The following ADGRD1 variants were observed in gnomAD, a reference collection of about 807,000 sequenced individuals.
ADGRD1 encodes G-protein coupled receptor 133.
A neutral mutation model predicts 113.4 loss-of-function variants in ADGRD1; 77 were observed. The observed-to-expected ratio is 0.68, with a 90% CI of 0.57 to 0.82. The LOEUF (loss-of-function observed/expected upper bound fraction) is 0.82. Ranked by LOEUF, ADGRD1 falls within the 40% of genes least tolerant of loss-of-function variation. The pLI, the probability that ADGRD1 is intolerant of heterozygous loss-of-function variation, is 0.00. For synonymous variants in ADGRD1, 474 were observed against 475.0 expected (o/e 1.00, Z 0.03); for missense variants, 1,036 against 1,139.1 (o/e 0.91, Z 1.30).
rs1215693419 is a variant in ADGRD1 at position 131,096,281 on chromosome 12, G to A, written c.1672-8550G>A. The stretch of plus-strand genomic sequence containing the variant: ...ATTTGTGTTAGAGACAAGGTTGCAC[G>A]CTGTGGTCCAGGCTGGAGTCAGTGG... On this transcript the variant is annotated intron_variant, in intron 15 of 24. Coordinates refer to ENST00000261654, the MANE Select transcript of ADGRD1 (RefSeq NM_198827.5). This position sits in a 1 kb window ranked among gnomAD's most constrained non-coding sequence, Gnocchi z 5.2. Among the ~76,000 whole-genome samples the A allele has an allele frequency of 6.6e-6, 1 of 152,136 alleles. No individual in the cohort carries two copies. Among genetic ancestry groups the A allele is most frequent in the South Asian group, 2.1e-4 (1 of 4,828 alleles).
Position 131,084,845 on chromosome 12 carries a change from G to T in ADGRD1, c.1671+182G>T, listed in dbSNP as rs1886342546. On this transcript the variant is annotated intron_variant, in intron 15 of 24. Transcript: ENST00000261654. The surrounding 1 kb of genome is among the most constrained non-coding windows in gnomAD (Gnocchi z 4.5). Reference sequence around the variant, plus strand: ...TGTAGTCCAGGGTCCTGCATGTATTGGGTGCCAGCAAATATCCGAGGAGCC... The same window carrying T: ...TGTAGTCCAGGGTCCTGCATGTATTTGGTGCCAGCAAATATCCGAGGAGCC... 6.6e-6 allele frequency among the ~76,000 whole-genome samples: 1 copy of T among 152,200 alleles called. No homozygotes were observed. The highest frequency in any genetic ancestry group is 1.5e-5 in the Non-Finnish European group (1 of 68,028).
intron 13 of ADGRD1, among the ~76,000 whole-genome samples, chr12:131,065,059 C>T (rs1192370677): frequency 6.6e-6 from 1 of 152,214 alleles, no homozygotes; most frequent in Non-Finnish European, 1.5e-5. Context: ...ACCTTCTACT[C>T]CCTTCTCCAC....
At chr12:131,061,050 A>G (rs923734671) in intron 13 of ADGRD1, among the ~76,000 whole-genome samples, 1 of 152,018 alleles carries the variant, frequency 6.6e-6, no homozygotes, top group Non-Finnish European at 1.5e-5. Flanking sequence ...AGGGCGTCAT[A>G]TTCTCCCTCC....
chr12:131,063,635 C>T (rs1369851822), intron 13 of ADGRD1, among the ~76,000 whole-genome samples: 1 of 152,282 alleles, frequency 6.6e-6, no homozygotes, highest in Non-Finnish European at 1.5e-5. Flanking sequence ...AATTGCCTGT[C>T]CCTGTGCCAG....
intron 13 of ADGRD1, among the ~76,000 whole-genome samples, chr12:131,025,294 C>G (rs1879816400): frequency 6.6e-6 from 1 of 152,044 alleles, no homozygotes; most frequent in African/African-American, 2.4e-5. Flanking sequence ...TGGGGTTTTT[C>G]TTTTGAAGGT....
chr12:131,008,848 CTG>C (rs1420493027), intron 12 of ADGRD1, among the ~76,000 whole-genome samples: 3 of 152,224 alleles, frequency 2.0e-5, no homozygotes, highest in African/African-American at 7.2e-5. Context: ...TCTCCCCAGG[CTG>C]TGAGGGACTC....
intron 20 of ADGRD1, among the ~76,000 whole-genome samples, chr12:131,129,815 T>C (rs1209154895): frequency 6.6e-6 from 1 of 152,262 alleles, no homozygotes; most frequent in Non-Finnish European, 1.5e-5. Flanking sequence ...TGTGGCAGTT[T>C]GACTTGGGGC....
chr12:131,097,003 G>C (rs1887333069), intron 15 of ADGRD1, among the ~76,000 whole-genome samples: 1 of 152,210 alleles, frequency 6.6e-6, no homozygotes, highest in Non-Finnish European at 1.5e-5. Flanking sequence ...CGCCTCTGCT[G>C]TGGCTGCAGC....
chr12:131,092,885 T>TC (rs1555262384), intron 15 of ADGRD1, among the ~76,000 whole-genome samples: 1 of 150,496 alleles, frequency 6.6e-6, no homozygotes, highest in Non-Finnish European at 1.5e-5. Context: ...GGGATTTCTT[T>TC]TTTTTTTTTT....
chr12:130,963,335 A>G (rs1593261463), intron 2 of ADGRD1, among the ~76,000 whole-genome samples: 1 of 151,332 alleles, frequency 6.6e-6, no homozygotes, highest in African/African-American at 2.4e-5. Context: ...AAAAAAAAAA[A>G]AAAAAAAGAA....
At chr12:130,999,719 T>G (rs1876098243) in intron 8 of ADGRD1, among the ~76,000 whole-genome samples, 1 of 152,120 alleles carries the variant, frequency 6.6e-6, no homozygotes, top group Non-Finnish European at 1.5e-5. Context: ...TGGGGACACA[T>G]CCACTAAGCC....
At chr12:130,991,683 A>T (rs7961580) in intron 7 of ADGRD1, among the ~76,000 whole-genome samples, 30,002 of 152,078 alleles carry the variant, frequency 0.2, 3,062 homozygotes, top group Non-Finnish European at 0.21. Flanking sequence ...ACATGGTAGG[A>T]GCTATATTAC....
At chr12:131,046,223 C>G (rs1362635679) in intron 13 of ADGRD1, among the ~76,000 whole-genome samples, 1 of 149,232 alleles carries the variant, frequency 6.7e-6, no homozygotes, top group Admixed American at 6.6e-5. Flanking sequence ...TCAGTGTCCT[C>G]CCTGGTCAGT....
At chr12:131,137,870 A>G (rs1951134407) in intron 23 of ADGRD1, 2 of 227,328 alleles carry the variant, frequency 8.8e-6, no homozygotes, top group African/African-American at 2.8e-5. Flanking sequence ...TCTCTCTCAC[A>G]CTCACCCCGG....
intron 8 of ADGRD1, among the ~76,000 whole-genome samples, chr12:130,997,111 G>A (rs1449058322): frequency 1.5e-5 from 2 of 131,594 alleles, no homozygotes; most frequent in Non-Finnish European, 3.3e-5. Flanking sequence ...TCACCTCCTG[G>A]ACGGGGCGGC....
chr12:131,112,029 A>T (rs1950357307), intron 18 of ADGRD1, among the ~76,000 whole-genome samples: 1 of 152,092 alleles, frequency 6.6e-6, no homozygotes, highest in Non-Finnish European at 1.5e-5. Flanking sequence ...TTTGTTGAAG[A>T]CTTGTCATCT....
rs1886304434 is a variant in ADGRD1, at chr12:131,084,450, G to A, written c.1548-90G>A. On this transcript the variant is annotated intron_variant, in intron 14 of 24. Transcript: ENST00000261654. This position sits in a 1 kb window ranked among gnomAD's most constrained non-coding sequence, Gnocchi z 4.5. ...TGTGGGCGCCGCCATGAGTTCACGG[G>A]GCCATGTGTTATGGGGGGTGCTGCT... 1 of 1,424,468 alleles carries A rather than the reference G, an allele frequency of 7.0e-7. No homozygotes were observed. The highest frequency in any genetic ancestry group is 9.8e-7 in the Non-Finnish European group (1 of 1,017,646). 88.2% of individuals were successfully genotyped at this position (1,424,468 alleles called of 1,614,324 possible).
chr12:131,043,690 G>T (rs929440989), intron 13 of ADGRD1, among the ~76,000 whole-genome samples: 1 of 152,366 alleles, frequency 6.6e-6, no homozygotes, highest in East Asian at 1.9e-4. Context: ...CGCACACAGG[G>T]CCACACGGGG....
At position 131,118,432 on chromosome 12, in the gene ADGRD1, A is replaced by G. The variant is rs762027854; in HGVS notation, c.2089A>G (p.Ser697Gly). ...CATTTCACTGTCATTTGCCATGGAC[A>G]GTTACGGAACAAGCAACAAGTAAGT... ...CIISLSFAMD[S>G]YGTSNNCWLS... Residue 697 changes from serine to glycine, a missense_variant, in exon 19 of 25, where the codon AGT becomes GGT. By Grantham distance (56) the Ser-to-Gly change is moderately conservative. Coordinates refer to ENST00000261654, the MANE Select transcript of ADGRD1 (RefSeq NM_198827.5). 2 of 1,611,560 alleles carry G rather than the reference A, an allele frequency of 1.2e-6. No homozygotes were observed. The highest frequency in any genetic ancestry group is 2.2e-5 in the East Asian group (1 of 44,794).
Sources: allele counts gnomAD v4.1 joint callset (sites outside exome capture counted in the v4.1 genomes callset), GRCh38; gene constraint gnomAD v4.1.1; non-coding constraint Gnocchi (gnomAD v3.1); transcripts MANE v1.5; gene names NCBI Gene and HGNC (gene_info 2026-07-23, HGNC 2026-07-21).